The following DLC1 variants were observed in gnomAD, a reference collection of about 807,000 sequenced individuals.
The protein encoded by DLC1 is rho GTPase-activating protein 7.
A neutral mutation model predicts 140.3 loss-of-function variants in DLC1; 54 were observed. The observed-to-expected ratio is 0.38, with a 90% confidence interval of 0.31 to 0.48. The LOEUF is 0.48. DLC1 is among the 20% of genes least tolerant of loss of function. The pLI is 0.96. For synonymous variants in DLC1, 986 were observed against 728.1 expected (o/e 1.35, Z -5.70); for missense variants, 2,536 against 1,907.0 (o/e 1.33, Z -6.14).
intron 2 of DLC1, among the ~76,000 whole-genome samples, chr8:13,447,549 T>A (rs936935100): frequency 2.0e-5 from 3 of 152,184 alleles, no homozygotes; most frequent in Non-Finnish European, 4.4e-5. Context: ...TGTACTTATC[T>A]ACATCTCAAT....
chr8:13,431,533 G>T (rs1467186150), intron 2 of DLC1, among the ~76,000 whole-genome samples: 2 of 129,782 alleles, frequency 1.5e-5, no homozygotes, highest in African/African-American at 2.9e-5. Context: ...ATCAAGCATT[G>T]ATGTCACAAC....
chr8:13,272,388 C>A (rs554318391), intron 5 of DLC1, among the ~76,000 whole-genome samples: 3 of 151,974 alleles, frequency 2.0e-5, no homozygotes, highest in Non-Finnish European at 4.4e-5. Flanking sequence ...TTGCAGTGAG[C>A]GGAGATCATG....
intron 5 of DLC1, among the ~76,000 whole-genome samples, chr8:13,231,640 C>G (rs567405307): frequency 6.6e-6 from 1 of 152,136 alleles, no homozygotes; most frequent in African/African-American, 2.4e-5. Context: ...ATTGTTAGAG[C>G]AGGGAAGTTC....
intron 5 of DLC1, among the ~76,000 whole-genome samples, chr8:13,182,040 G>A (rs1359239484): frequency 1.3e-5 from 2 of 152,178 alleles, no homozygotes; most frequent in Non-Finnish European, 2.9e-5. Context: ...TAACTGGTGT[G>A]AGATGGTATC....
intron 6 of DLC1, among the ~76,000 whole-genome samples, chr8:13,114,025 T>C (rs1323424063): frequency 6.6e-6 from 1 of 152,226 alleles, no homozygotes; most frequent in African/African-American, 2.4e-5. Flanking sequence ...CTGTAATTAT[T>C]TTAAATTGAC....
intron 2 of DLC1, among the ~76,000 whole-genome samples, chr8:13,480,148 A>T (rs1413226915): frequency 6.6e-6 from 1 of 152,230 alleles, no homozygotes; most frequent in African/African-American, 2.4e-5. Flanking sequence ...ACTGGGTCAC[A>T]GGAGAGTTGA....
intron 5 of DLC1, among the ~76,000 whole-genome samples, chr8:13,298,858 TA>T (rs550743189): frequency 2.0e-4 from 30 of 151,322 alleles, no homozygotes; most frequent in Non-Finnish European, 4.0e-4. Context: ...ACCCCCTGAA[TA>T]AAAAAAAAGT....
At chr8:13,120,846 G>A (rs1338041388) in intron 5 of DLC1, among the ~76,000 whole-genome samples, 2 of 152,052 alleles carry the variant, frequency 1.3e-5, no homozygotes, top group East Asian at 1.9e-4. Context: ...CTGGCATGAC[G>A]GGATGATCCT....
intron 1 of DLC1, among the ~76,000 whole-genome samples, chr8:13,565,494 T>TA (rs1804394666): frequency 6.6e-6 from 1 of 152,224 alleles, no homozygotes; most frequent in African/African-American, 2.4e-5. Flanking sequence ...ACCTCTTTTT[T>TA]AAAGACTACC....
intron 1 of DLC1, among the ~76,000 whole-genome samples, chr8:13,603,458 T>A (rs1249864680): frequency 6.6e-6 from 1 of 151,924 alleles, no homozygotes. Context: ...TCAACAGAAA[T>A]GTAATCATAT....
At position 13,084,950 on chromosome 8, in the gene DLC1, A is replaced by AAAAAC. The variant is rs1028247157; in HGVS notation, c.*856_*860dup. 1.3e-4 allele frequency: 20 copies of AAAAAC among 152,408 alleles called. No homozygotes were observed. The highest frequency in any genetic ancestry group is 3.4e-3 in the Middle Eastern group (1 of 294). 9.4% of individuals were successfully genotyped at this position (152,408 alleles called of 1,614,324 possible). On this transcript the variant is annotated 3_prime_UTR_variant, in exon 18 of 18. Coordinates refer to ENST00000276297, the MANE Select transcript of DLC1 (RefSeq NM_182643.3). Reference sequence around the variant, plus strand: ...CAGTTTTTATATCTCGACTTAAACAAAAAACAAAACAAAACAAAACAAAAC... The same window carrying AAAAAC: ...CAGTTTTTATATCTCGACTTAAACAAAAAACAAAACAAAACAAAACAAAACAAAAC...
intron 3 of DLC1, among the ~76,000 whole-genome samples, chr8:13,395,052 T>TCA (rs879793841): frequency 2.4e-5 from 3 of 122,972 alleles, no homozygotes; most frequent in Non-Finnish European, 5.5e-5. Flanking sequence ...TATCTATCTA[T>TCA]TAGGTACCTA....
At chr8:13,281,818 C>A in intron 5 of DLC1, among the ~76,000 whole-genome samples, 1 of 152,118 alleles carries the variant, frequency 6.6e-6, no homozygotes, top group East Asian at 1.9e-4. Flanking sequence ...ATCTTATTTC[C>A]TTTTGACTGC....
chr8:13,110,879 A>G (rs956975935), intron 6 of DLC1, 56 bp from the exon 7 acceptor site: 1 of 1,524,296 alleles, frequency 6.6e-7, no homozygotes, highest in Non-Finnish European at 9.1e-7. Context: ...AATTTGCCAA[A>G]TAGCCCAGTT....
chr8:13,087,576 G>C (rs1817668429), intron 16 of DLC1, among the ~76,000 whole-genome samples: 1 of 152,190 alleles, frequency 6.6e-6, no homozygotes, highest in African/African-American at 2.4e-5. Flanking sequence ...GCTGAATGAG[G>C]AACTCTGTAC....
At chr8:13,262,534 G>C (rs1372336865) in intron 5 of DLC1, among the ~76,000 whole-genome samples, 3 of 152,106 alleles carry the variant, frequency 2.0e-5, no homozygotes, top group Non-Finnish European at 4.4e-5. Flanking sequence ...AAACTATGTG[G>C]AGTTGATTGA....
At chr8:13,113,279 CAG>C (rs1418193703) in intron 6 of DLC1, among the ~76,000 whole-genome samples, 1 of 152,066 alleles carries the variant, frequency 6.6e-6, no homozygotes, top group Non-Finnish European at 1.5e-5. Flanking sequence ...TCAAGCTTAA[CAG>C]GGGGACATGT....
intron 4 of DLC1, among the ~76,000 whole-genome samples, chr8:13,324,225 T>C (rs1262790437): frequency 3.9e-5 from 6 of 152,336 alleles, no homozygotes; most frequent in African/African-American, 1.2e-4. Flanking sequence ...TCAAGGTTTT[T>C]AGTAGTTTAT....
At chr8:13,238,743 G>T (rs572547881) in intron 5 of DLC1, among the ~76,000 whole-genome samples, 2 of 152,244 alleles carry the variant, frequency 1.3e-5, no homozygotes, top group South Asian at 4.2e-4. Context: ...CTGTGGCCCT[G>T]GGTTACACAG....
Sources: allele counts gnomAD v4.1 joint callset (sites outside exome capture counted in the v4.1 genomes callset), GRCh38; gene constraint gnomAD v4.1.1; transcripts MANE v1.5; gene names NCBI Gene and HGNC (gene_info 2026-07-23, HGNC 2026-07-21).